STK33: variants seen among roughly 807,000 people sequenced by gnomAD.
STK33 encodes the protein serine/threonine kinase 33.
A neutral mutation model predicts 58.0 loss-of-function variants in STK33; 52 were observed. The ratio of observed to expected loss-of-function variants is 0.90; its 90% CI spans 0.72 to 1.13. STK33 has a LOEUF of 1.13. Among genes scored for constraint, STK33 ranks in the 50% most tolerant of loss-of-function variants. The probability of loss-of-function intolerance (pLI) is 0.00; values close to 1 mark genes in which losing one functional copy is unlikely to be tolerated. For missense variants in STK33, 630 were observed against 604.2 expected (o/e 1.04, Z -0.45); for synonymous variants, 215 against 200.1 (o/e 1.07, Z -0.63).
At chr11:8,484,072 T>C (rs1472721548) in intron 1 of STK33, among the ~76,000 whole-genome samples, 1 of 152,198 alleles carries the variant, frequency 6.6e-6, no homozygotes, top group Non-Finnish European at 1.5e-5. Context: ...CTATTTTTCA[T>C]GTACACAAAC....
the STK33 span, among the ~76,000 whole-genome samples, chr11:8,363,239 T>C: frequency 6.6e-6 from 1 of 152,192 alleles, no homozygotes; most frequent in Non-Finnish European, 1.5e-5. Flanking sequence ...CCACATGGAA[T>C]ACTGTCAAAT....
At chr11:8,401,918 A>T (rs958898673) in intron 15 of STK33, among the ~76,000 whole-genome samples, 78 of 152,216 alleles carry the variant, frequency 5.1e-4, no homozygotes, top group African/African-American at 1.8e-3. Context: ...ACAATGAGAT[A>T]CCATCTCACA....
chr11:8,517,010 T>C (rs1169106357), intron 1 of STK33, among the ~76,000 whole-genome samples: 1 of 152,170 alleles, frequency 6.6e-6, no homozygotes, highest in Non-Finnish European at 1.5e-5. Context: ...GAGTTTGAGA[T>C]CTAAGAACGA....
chr11:8,448,209 A>C (rs1945767247), intron 11 of STK33, among the ~76,000 whole-genome samples: 1 of 152,196 alleles, frequency 6.6e-6, no homozygotes, highest in Non-Finnish European at 1.5e-5. Flanking sequence ...CATACTGTCC[A>C]AGGTAATTTA....
chr11:8,358,985 A>G, the STK33 span, among the ~76,000 whole-genome samples: 1 of 152,236 alleles, frequency 6.6e-6, no homozygotes, highest in African/African-American at 2.4e-5. Flanking sequence ...CGCGGGGATG[A>G]GCCCACAGTA....
chr11:8,385,598 G>A, the STK33 span, among the ~76,000 whole-genome samples: 5 of 152,202 alleles, frequency 3.3e-5, no homozygotes, highest in South Asian at 2.1e-4. Flanking sequence ...ATTATTTTAC[G>A]CATTTGTATA....
At chr11:8,425,821 T>C (rs1942650515) in intron 14 of STK33, among the ~76,000 whole-genome samples, 1 of 151,996 alleles carries the variant, frequency 6.6e-6, no homozygotes, top group Non-Finnish European at 1.5e-5. Context: ...CCTCATCCCC[T>C]TGGCAGGGCA....
At chr11:8,553,379 G>C (rs978038882) in intron 1 of STK33, among the ~76,000 whole-genome samples, 5 of 151,046 alleles carry the variant, frequency 3.3e-5, no homozygotes, top group African/African-American at 1.2e-4. Flanking sequence ...CAGTAAGTTT[G>C]GTTACAATAG....
chr11:8,576,075 A>C (rs1236621904), intron 1 of STK33, among the ~76,000 whole-genome samples: 1 of 152,152 alleles, frequency 6.6e-6, no homozygotes, highest in East Asian at 1.9e-4. Flanking sequence ...AAATGTTTAC[A>C]GGATGCTGTG....
At chr11:8,426,358 G>A (rs1564926735) in intron 14 of STK33, among the ~76,000 whole-genome samples, 1 of 152,220 alleles carries the variant, frequency 6.6e-6, no homozygotes, top group Non-Finnish European at 1.5e-5. Flanking sequence ...CTGCTTGTGC[G>A]TCTGCCTGCT....
chr11:8,439,869 T>TTATATATATATAATATATATA (rs1944512912), intron 12 of STK33, among the ~76,000 whole-genome samples: 1 of 107,274 alleles, frequency 9.3e-6, no homozygotes, highest in Non-Finnish European at 1.9e-5. Flanking sequence ...TATATTATAA[T>TTATATATATATAATATATATA]TATATATATA....
intron 1 of STK33, 71 bp downstream of exon 1, chr11:8,594,012 C>A (rs939895763): frequency 6.6e-6 from 1 of 152,316 alleles, no homozygotes; most frequent in Non-Finnish European, 1.5e-5. Flanking sequence ...ACGGCCTGGC[C>A]GGCTGCGCCC....
In STK33 at chr11:8,534,562, C is replaced by CTGTGTGTG. The variant is rs1385373380; in HGVS notation, c.-465-53949_-465-53948insCACACACA. 2.4e-3 allele frequency among the ~76,000 whole-genome samples: 314 copies of CTGTGTGTG among 129,014 alleles called. 2 individuals are homozygous for CTGTGTGTG. The highest frequency in any genetic ancestry group is 3.9e-3 in the African/African-American group (118 of 30,170). 84.6% of individuals were successfully genotyped at this position (129,014 alleles called of 152,430 possible). ...TCTCTCTCTCTCTCTCTCTCTCTCT[C>CTGTGTGTG]TCTCTCTGTGTGTGTGTGTGTGTGT... On this transcript the variant is annotated intron_variant, in intron 1 of 15. Coordinates refer to ENST00000687296, the MANE Select transcript of STK33 (RefSeq NM_001352389.2).
At chr11:8,471,350 G>A (rs1948757263) in intron 6 of STK33, among the ~76,000 whole-genome samples, 1 of 152,108 alleles carries the variant, frequency 6.6e-6, no homozygotes, top group African/African-American at 2.4e-5. Context: ...TAGTGATGAA[G>A]GAGAAAACAG....
At chr11:8,346,464 G>A in the STK33 span, among the ~76,000 whole-genome samples, 1 of 152,230 alleles carries the variant, frequency 6.6e-6, no homozygotes, top group African/African-American at 2.4e-5. Flanking sequence ...TGTGAGGGTG[G>A]TAAGAGGAAC....
At chr11:8,378,390 T>C in the STK33 span, among the ~76,000 whole-genome samples, 19 of 152,054 alleles carry the variant, frequency 1.2e-4, 1 homozygote, top group South Asian at 4.1e-4. Flanking sequence ...TGGTGGTGCA[T>C]GCCTGTAATC....
chr11:8,412,978 C>A (rs376580046), intron 15 of STK33, among the ~76,000 whole-genome samples: 18 of 152,026 alleles, frequency 1.2e-4, no homozygotes, highest in African/African-American at 4.4e-4. Context: ...TTTTTGTTAC[C>A]ATAAATTCAG....
At chr11:8,437,331 A>G (rs1234594510) in intron 12 of STK33, among the ~76,000 whole-genome samples, 1 of 152,230 alleles carries the variant, frequency 6.6e-6, no homozygotes, top group Non-Finnish European at 1.5e-5. Context: ...GAACAAGCTT[A>G]AAAGCTGAGT....
At chr11:8,395,920 C>A (rs944404334) in intron 15 of STK33, among the ~76,000 whole-genome samples, 4 of 152,160 alleles carry the variant, frequency 2.6e-5, no homozygotes, top group African/African-American at 9.7e-5. Context: ...CAGTAGCATA[C>A]AAGAGTGCCT....
Sources: allele counts gnomAD v4.1 joint callset (sites outside exome capture counted in the v4.1 genomes callset), GRCh38; gene constraint gnomAD v4.1.1; transcripts MANE v1.5; gene names NCBI Gene and HGNC (gene_info 2026-07-23, HGNC 2026-07-21).